Variants in DNAI7 observed in about 807,000 individuals in gnomAD.
The protein encoded by DNAI7 is dynein axonemal intermediate chain 7.
DNAI7 carries 78 observed loss-of-function variants against 86.6 expected under a neutral mutation model. The observed-to-expected ratio is 0.90, with a 90% confidence interval of 0.75 to 1.09. The LOEUF is 1.09. Among genes scored for constraint, DNAI7 ranks in the 50% least tolerant of loss-of-function variants. The pLI is 0.00. For missense variants in DNAI7, 753 were observed against 810.2 expected (o/e 0.93, Z 0.86); for synonymous variants, 274 against 273.0 (o/e 1.00, Z -0.04).
In DNAI7 at chr12:25,149,623, C is replaced by A. The variant is rs779131252; in HGVS notation, c.585+5G>T. The A allele has an allele frequency of 6.3e-7, 1 of 1,594,744 alleles. No homozygotes were observed. The highest frequency in any genetic ancestry group is 1.2e-5 in the South Asian group (1 of 86,912). ...CTTAATATATAAGCAAAATATCACA[C>A]TTACTTTGAGAAGTATTTCTGTGGC... is the stretch of plus-strand genomic sequence containing the variant. On this transcript the variant is annotated splice_donor_5th_base_variant and intron_variant, in intron 7 of 15. Transcript: ENST00000395987.
intron 11 of DNAI7, among the ~76,000 whole-genome samples, chr12:25,121,204 T>C (rs11047848): frequency 0.68 from 103,964 of 152,032 alleles, 39,614 homozygotes; most frequent in East Asian, 0.99. Context: ...CAGAGGATGC[T>C]GATGCCTCTG....
At chr12:25,109,504 A>G (rs1377892009) in intron 15 of DNAI7, among the ~76,000 whole-genome samples, 2 of 152,140 alleles carry the variant, frequency 1.3e-5, no homozygotes, top group African/African-American at 4.8e-5. Flanking sequence ...CTTCCACCTC[A>G]GCCTCCCAAG....
In DNAI7 at chr12:25,119,264, G is replaced by A. The variant is rs192960571; in HGVS notation, c.1277C>T (p.Pro426Leu). The A allele has an allele frequency of 3.7e-5, 60 of 1,611,716 alleles. No homozygotes were observed. The highest frequency in any genetic ancestry group is 3.1e-4 in the East Asian group (14 of 44,824). Reference protein sequence around the residue: ...KEGLQKYTYPPETTEEFETEN... With the variant: ...KEGLQKYTYPLETTEEFETEN... ...TGTCTCAAACTCTTCTGTAGTTTCC[G>A]GAGGATATGTGTATTTCTGTAATCC... Residue 426 changes from proline (P) to leucine (L), a missense_variant, in exon 12 of 16, where the codon CCG (proline) becomes CTG (leucine). Pro to Leu is a moderately conservative substitution (Grantham distance 98). Transcript: ENST00000395987.
At position 25,108,547 on chromosome 12, in the gene DNAI7, G is replaced by A; in HGVS notation, c.*1C>T. On this transcript the variant is annotated 3_prime_UTR_variant, in exon 16 of 16. Transcript: ENST00000395987. ...CTTACAATACAGTTTGTAAGTGGAG[G>A]TTAGGAGTAGCTGAGCAATCTGGTA... The A allele has an allele frequency of 1.9e-6, 3 of 1,611,004 alleles. No individual in the cohort carries two copies. The highest frequency in any genetic ancestry group is 2.5e-6 in the Non-Finnish European group (3 of 1,178,044).
In DNAI7 at chr12:25,152,817, T is replaced by A. The variant is rs1592459703; in HGVS notation, c.438+1502A>T. Among the ~76,000 whole-genome samples the A allele has an allele frequency of 4.6e-5, 7 of 152,208 alleles. No homozygotes were observed. The South Asian group carries it at 1.4e-3, about 32-fold the overall frequency. ...TTCAGTAGGAATCTGGAGAGTTGGA[T>A]AATTGGTTGGTGTGAGAAAACCCCA... On this transcript the variant is annotated intron_variant, in intron 6 of 15. Coordinates refer to ENST00000395987, the MANE Select transcript of DNAI7 (RefSeq NM_018272.5).
chr12:25,130,709 A>G (rs1942801567), intron 9 of DNAI7, among the ~76,000 whole-genome samples: 1 of 152,180 alleles, frequency 6.6e-6, no homozygotes, highest in South Asian at 2.1e-4. Context: ...TCACTAATGT[A>G]GTTCTGAAGG....
chr12:25,148,340 A>G (rs1314145890), intron 7 of DNAI7, among the ~76,000 whole-genome samples: 3 of 152,232 alleles, frequency 2.0e-5, no homozygotes, highest in Non-Finnish European at 2.9e-5. Context: ...ACTGCATTCT[A>G]TCGAAGACAT....
chr12:25,145,394 T>C (rs1254509617), intron 8 of DNAI7, among the ~76,000 whole-genome samples: 1 of 152,194 alleles, frequency 6.6e-6, no homozygotes, highest in Non-Finnish European at 1.5e-5. Flanking sequence ...TTGTTCTGCC[T>C]GCACTATTCC....
chr12:25,134,352 C>CTTTTTTTTTTTTTTTTTTTTTTTTTTTTT, intron 9 of DNAI7, among the ~76,000 whole-genome samples: 1 of 91,178 alleles, frequency 1.1e-5, no homozygotes, highest in Non-Finnish European at 2.0e-5. Context: ...CCTTGGCGTA[C>CTTTTTTTTTTTTTTTTTTTTTTTTTTTTT]TTTTTTTTTT....
At position 25,111,895 on chromosome 12, in the gene DNAI7, TTTC is replaced by T; in HGVS notation, c.1653_1655del (p.Lys552del). ...AGGTTCCTTCCAAAATAGAGATGTG[TTTC>T]TTGTCTTTTAGTTTGATTGAAGATA... On this transcript the variant is annotated inframe_deletion, in exon 14 of 16. Coordinates refer to ENST00000395987, the MANE Select transcript of DNAI7 (RefSeq NM_018272.5). 6.2e-7 allele frequency: 1 copy of T among 1,602,790 alleles called. No homozygotes were observed. Among genetic ancestry groups the T allele is most frequent in the Non-Finnish European group, 8.5e-7 (1 of 1,175,204 alleles).
intron 13 of DNAI7, among the ~76,000 whole-genome samples, chr12:25,114,146 G>T (rs1939595885): frequency 6.6e-6 from 1 of 151,692 alleles, no homozygotes; most frequent in Non-Finnish European, 1.5e-5. Context: ...CACCATGTTG[G>T]CCAGGCTGGT....
Position 25,149,632 on chromosome 12 carries a change from A to T in DNAI7, c.581T>A (p.Leu194His). ...TAAGCAAAATATCACACTTACTTTG[A>T]GAAGTATTTCTGTGGCTACACCGAA... ...LKFGVATEIL[L>H]KQASTLADLD... The change falls in exon 7 of 16, where the codon CTC becomes CAC. Residue 194 changes from leucine (L) to histidine (H), a missense_variant. Coordinates refer to ENST00000395987, the MANE Select transcript of DNAI7 (RefSeq NM_018272.5). 6.2e-7 allele frequency: 1 copy of T among 1,600,598 alleles called. No homozygotes were observed. Among genetic ancestry groups the T allele is most frequent in the Non-Finnish European group, 8.5e-7 (1 of 1,173,860 alleles).
chr12:25,125,867 A>C (rs1942058626), intron 9 of DNAI7, among the ~76,000 whole-genome samples: 1 of 152,060 alleles, frequency 6.6e-6, no homozygotes, highest in Non-Finnish European at 1.5e-5. Context: ...TTGAATAGGG[A>C]GTCTTTTCCC....
intron 9 of DNAI7, among the ~76,000 whole-genome samples, chr12:25,141,063 A>C (rs1266953376): frequency 6.6e-6 from 1 of 152,226 alleles, no homozygotes; most frequent in Admixed American, 6.5e-5. Flanking sequence ...AAATCAACTC[A>C]AAATGAATCA....
Position 25,108,486 on chromosome 12 carries a change from G to A in DNAI7, c.*62C>T. 1 of 1,410,506 alleles carries A rather than the reference G, an allele frequency of 7.1e-7. No homozygotes were observed. Among genetic ancestry groups the A allele is most frequent in the Non-Finnish European group, 9.7e-7 (1 of 1,033,280 alleles). 87.4% of individuals were successfully genotyped at this position (1,410,506 alleles called of 1,614,324 possible). ...CATTCACTCATTACATTGTGTTGCA[G>A]AAATACCTGTCTTTCACCATGCTTG... is the stretch of plus-strand genomic sequence containing the variant. On this transcript the variant is annotated 3_prime_UTR_variant, in exon 16 of 16. Coordinates refer to ENST00000395987, the MANE Select transcript of DNAI7 (RefSeq NM_018272.5).
At chr12:25,194,915 A>G (rs371092985) in intron 1 of DNAI7, 161 bp downstream of exon 1, 1 of 1,614,152 alleles carries the variant, frequency 6.2e-7, no homozygotes, top group South Asian at 1.1e-5. Flanking sequence ...AAGGAAAGCC[A>G]TTGCTGAGAA....
chr12:25,191,380 C>T (rs1171235696), intron 1 of DNAI7, among the ~76,000 whole-genome samples: 4 of 151,858 alleles, frequency 2.6e-5, no homozygotes, highest in Non-Finnish European at 5.9e-5. Flanking sequence ...GGCAGCCAAG[C>T]GAGACCGCAT....
intron 10 of DNAI7, 54 bp downstream of exon 10, chr12:25,123,157 C>A (rs1275351026): frequency 8.5e-7 from 1 of 1,174,862 alleles, no homozygotes; most frequent in Admixed American, 2.5e-5. Flanking sequence ...TGTATTTCTT[C>A]TGTAAGAAGA....
At chr12:25,152,269 C>CT (rs1459827568) in intron 6 of DNAI7, among the ~76,000 whole-genome samples, 2 of 152,180 alleles carry the variant, frequency 1.3e-5, no homozygotes, top group Non-Finnish European at 2.9e-5. Flanking sequence ...GAGGGACCAA[C>CT]CATGTGATTA....
Sources: gnomAD v4.1 joint callset for allele counts (sites outside exome capture counted in the v4.1 genomes callset) on GRCh38, gnomAD v4.1.1 for gene constraint, MANE v1.5 for transcripts, NCBI Gene and HGNC (gene_info 2026-07-23, HGNC 2026-07-21) for gene names.